FUT8: variants seen among roughly 807,000 people sequenced by gnomAD.
FUT8 encodes the protein alpha-(1,6)-fucosyltransferase.
In FUT8, 29 loss-of-function variants were observed where a neutral mutation model predicts 71.3. That is an observed-to-expected ratio of 0.41 (90% CI 0.30 to 0.55). The LOEUF (loss-of-function observed/expected upper bound fraction) is 0.55. FUT8 is among the 20% of genes least tolerant of loss of function. The probability of loss-of-function intolerance (pLI) is 0.34; values close to 1 mark genes in which losing one functional copy is unlikely to be tolerated. For missense variants in FUT8, 544 were observed against 702.1 expected, an observed-to-expected ratio of 0.77 and a Z score of 2.55; for synonymous variants, 254 against 239.3, an observed-to-expected ratio of 1.06 and a Z score of -0.57.
At chr14:65,670,797 C>G (rs959228539) in intron 7 of FUT8, among the ~76,000 whole-genome samples, 3 of 152,090 alleles carry the variant, frequency 2.0e-5, no homozygotes, top group Non-Finnish European at 4.4e-5. Flanking sequence ...CTATAAAATA[C>G]TTTGAGTTGC....
intron 2 of FUT8, among the ~76,000 whole-genome samples, chr14:65,542,520 C>G (rs1004892220): frequency 2.6e-5 from 4 of 152,118 alleles, no homozygotes; most frequent in African/African-American, 9.7e-5. Context: ...CTAATCTGGC[C>G]TATGTGTTAG....
rs115927819 is a variant in FUT8 at position 65,703,650 on chromosome 14, C to G, written c.836-18125C>G. Among the ~76,000 whole-genome samples the G allele has an allele frequency of 6.9e-3, 1,052 of 152,302 alleles. 12 individuals carry two copies. Among genetic ancestry groups the G allele is most frequent in the African/African-American group, 0.023 (952 of 41,556 alleles). Reference sequence around the variant, plus strand: ...CATCATCTTTCTTCCACAATGGAAGCAGAGGCAGCTGGGGAAGAAGATACA... The same window carrying G: ...CATCATCTTTCTTCCACAATGGAAGGAGAGGCAGCTGGGGAAGAAGATACA... On this transcript the variant is annotated intron_variant, in intron 7 of 10. Coordinates refer to ENST00000673929, the MANE Select transcript of FUT8 (RefSeq NM_001371533.1).
chr14:65,617,955 T>C (rs968186969), intron 5 of FUT8, among the ~76,000 whole-genome samples: 1 of 145,602 alleles, frequency 6.9e-6, no homozygotes, highest in Non-Finnish European at 1.5e-5. Flanking sequence ...AAAAAAAGAT[T>C]TGAGTAATCA....
chr14:65,481,217 C>T (rs2066325836), intron 2 of FUT8, among the ~76,000 whole-genome samples: 1 of 152,012 alleles, frequency 6.6e-6, no homozygotes, highest in African/African-American at 2.4e-5. Flanking sequence ...TGATGTTGAG[C>T]ATCTTTTCTT....
chr14:65,616,231 A>T lies in FUT8; in HGVS notation c.340A>T (p.Ile114Phe), dbSNP rs750268401. ...TACAGGTCTGGGGAAGGATCATGAA[A>T]TCCTGAGGAGGAGGATTGAAAATGG... ...TRNGLGKDHE[I>F]LRRRIENGAK... The change falls in exon 5 of 11, where the codon ATC becomes TTC. Residue 114 changes from isoleucine (I) to phenylalanine (F), a missense_variant. By Grantham distance (21) the Ile-to-Phe change is conservative. Transcript: ENST00000673929. 2 of 1,607,716 alleles carry T rather than the reference A, an allele frequency of 1.2e-6. No individual in the cohort carries two copies. Among genetic ancestry groups the T allele is most frequent in the East Asian group, 4.5e-5 (2 of 44,800 alleles).
intron 3 of FUT8, among the ~76,000 whole-genome samples, chr14:65,570,811 T>C (rs920943856): frequency 6.6e-6 from 1 of 152,188 alleles, no homozygotes; most frequent in Admixed American, 6.6e-5. Context: ...GTGGACGAAC[T>C]GTAACCTAAC....
chr14:65,495,339 G>A (rs1169081608), intron 2 of FUT8, among the ~76,000 whole-genome samples: 1 of 152,164 alleles, frequency 6.6e-6, no homozygotes, highest in African/African-American at 2.4e-5. Flanking sequence ...CAGGTCTCAA[G>A]CAGAGTTTTC....
chr14:65,388,946 A>G, the FUT8 span, among the ~76,000 whole-genome samples: 1 of 151,718 alleles, frequency 6.6e-6, no homozygotes, highest in South Asian at 2.1e-4. Context: ...TACATTTTAT[A>G]TATATAAATG....
chr14:65,451,760 A>AATACTAC (rs2139541848), intron 1 of FUT8, among the ~76,000 whole-genome samples: 1 of 152,332 alleles, frequency 6.6e-6, no homozygotes, highest in South Asian at 2.1e-4. Flanking sequence ...CATCTCTGGC[A>AATACTAC]AGATTCTTCT....
At chr14:65,710,199 A>G (rs1435469860) in intron 7 of FUT8, among the ~76,000 whole-genome samples, 1 of 152,228 alleles carries the variant, frequency 6.6e-6, no homozygotes, top group Non-Finnish European at 1.5e-5. Context: ...CATCTATAAA[A>G]GAAACTCATT....
intron 3 of FUT8, among the ~76,000 whole-genome samples, chr14:65,602,460 G>A (rs1433918655): frequency 6.7e-6 from 1 of 148,292 alleles, no homozygotes; most frequent in African/African-American, 2.5e-5. Context: ...TTGCAATTGC[G>A]AATTGTGCTG....
the FUT8 span, among the ~76,000 whole-genome samples, chr14:65,380,920 C>A: frequency 6.6e-6 from 1 of 152,198 alleles, no homozygotes; most frequent in African/African-American, 2.4e-5. Context: ...GTTGCCTGTA[C>A]CACATGGCAA....
rs1892391117 is a variant in FUT8, at chr14:65,669,802, A to G, written c.835+322A>G. On this transcript the variant is annotated intron_variant, in intron 7 of 10. Coordinates refer to ENST00000673929, the MANE Select transcript of FUT8 (RefSeq NM_001371533.1). This position sits in a 1 kb window ranked among gnomAD's most constrained non-coding sequence, Gnocchi z 4.5. Reference sequence around the variant, plus strand: ...TTCACATTATTGAACTCATTTTAATATGAAGTAATCATCATATAAAGTAGT... The same window carrying G: ...TTCACATTATTGAACTCATTTTAATGTGAAGTAATCATCATATAAAGTAGT... 6.6e-6 allele frequency among the ~76,000 whole-genome samples: 1 copy of G among 152,172 alleles called. No homozygotes were observed. Among genetic ancestry groups the G allele is most frequent in the Non-Finnish European group, 1.5e-5 (1 of 68,018 alleles).
chr14:65,543,691 A>C (rs1172841845), intron 2 of FUT8, among the ~76,000 whole-genome samples: 1 of 152,156 alleles, frequency 6.6e-6, no homozygotes, highest in Admixed American at 6.5e-5. Flanking sequence ...ATGGGAATCT[A>C]TTCCATTTGT....
chr14:65,596,358 T>A lies in FUT8; in HGVS notation c.204-19620T>A, dbSNP rs1304557415. 2.0e-5 allele frequency among the ~76,000 whole-genome samples: 3 copies of A among 152,248 alleles called. No individual in the cohort carries two copies. The East Asian group carries it at 5.8e-4, about 29-fold the overall frequency. Reference sequence around the variant, plus strand: ...TTTGAAGATTAAACATACTTATTAATCATTGCTTTGACAGCAGCAATATTC... The same window carrying A: ...TTTGAAGATTAAACATACTTATTAAACATTGCTTTGACAGCAGCAATATTC... On this transcript the variant is annotated intron_variant, in intron 3 of 10. Transcript: ENST00000673929.
chr14:65,513,482 G>C (rs527631658), intron 2 of FUT8, among the ~76,000 whole-genome samples: 2 of 150,662 alleles, frequency 1.3e-5, no homozygotes, highest in Non-Finnish European at 3.0e-5. Context: ...AATGACAGTC[G>C]TGTAAAATAG....
chr14:65,648,115 C>G (rs1891198291), intron 6 of FUT8, among the ~76,000 whole-genome samples: 1 of 152,124 alleles, frequency 6.6e-6, no homozygotes, highest in Non-Finnish European at 1.5e-5. Flanking sequence ...TGGAGCATAA[C>G]TATGTTCATT....
intron 2 of FUT8, among the ~76,000 whole-genome samples, chr14:65,538,863 G>T (rs56191137): frequency 0.074 from 11,216 of 152,206 alleles, 493 homozygotes; most frequent in Admixed American, 0.12. Flanking sequence ...GAGGTTGGCA[G>T]TGAGCCAAGA....
chr14:65,389,741 T>C, the FUT8 span, among the ~76,000 whole-genome samples: 1 of 151,994 alleles, frequency 6.6e-6, no homozygotes, highest in Non-Finnish European at 1.5e-5. Context: ...AGGTGTGAGC[T>C]ACCATGCCCA....
Sources: gnomAD v4.1 joint callset for allele counts (sites outside exome capture counted in the v4.1 genomes callset) on GRCh38, gnomAD v4.1.1 for gene constraint, Gnocchi (gnomAD v3.1) non-coding constraint, MANE v1.5 for transcripts, NCBI Gene and HGNC (gene_info 2026-07-23, HGNC 2026-07-21) for gene names.